Variants in TTC17 observed in about 807,000 individuals in gnomAD.
TTC17 encodes the protein tetratricopeptide repeat domain 17, also known as tetratricopeptide repeat protein 17.
Under a neutral mutation model 143.8 loss-of-function variants are expected in TTC17, and 58 were observed. The observed-to-expected ratio is 0.40, with a 90% CI of 0.33 to 0.50. The LOEUF (loss-of-function observed/expected upper bound fraction) is 0.50, where lower values mean the gene tolerates loss of function less well. Among genes scored for constraint, TTC17 ranks in the 20% least tolerant of loss-of-function variants. The pLI, the probability that TTC17 is intolerant of heterozygous loss-of-function variation, is 0.49. For synonymous variants in TTC17, 501 were observed against 497.8 expected, an observed-to-expected ratio of 1.01 and a Z score of -0.09; for missense variants, 1,273 against 1,392.5, an observed-to-expected ratio of 0.91 and a Z score of 1.37.
chr11:43,483,354 C>T (rs970709388), intron 21 of TTC17, among the ~76,000 whole-genome samples: 1 of 151,824 alleles, frequency 6.6e-6, no homozygotes, highest in Admixed American at 6.6e-5. Flanking sequence ...AACTTTAAAA[C>T]AAAACCAGAC....
chr11:43,415,529 G>A (rs968846345), intron 16 of TTC17, among the ~76,000 whole-genome samples: 23 of 152,038 alleles, frequency 1.5e-4, no homozygotes, highest in African/African-American at 5.6e-4. Flanking sequence ...GTGCACAGTG[G>A]GTGCTTTATT....
In TTC17 at chr11:43,411,697, T is replaced by C. The variant is rs570685957; in HGVS notation, c.2065-2893T>C. 1.7e-3 allele frequency among the ~76,000 whole-genome samples: 266 copies of C among 152,338 alleles called. 1 individual carries two copies. Among genetic ancestry groups the C allele is most frequent in the African/African-American group, 6.3e-3 (260 of 41,574 alleles). Reference sequence around the variant, plus strand: ...ATGCAGGATATTTTTACAGCTGTCATTTTGTCATAGGGATAATTATAACAC... The same window carrying C: ...ATGCAGGATATTTTTACAGCTGTCACTTTGTCATAGGGATAATTATAACAC... On this transcript the variant is annotated intron_variant, in intron 15 of 23. Coordinates refer to ENST00000039989, the MANE Select transcript of TTC17 (RefSeq NM_018259.6).
chr11:43,446,072 A>T, intron 18 of TTC17: 1 of 1,509,518 alleles, frequency 6.6e-7, no homozygotes. Flanking sequence ...TGCCTACAGG[A>T]TAAAATTCAA....
Position 43,404,002 on chromosome 11 carries a change from G to A in TTC17, c.1337G>A (p.Gly446Asp). ...IFENVDYVQF[G>D]EDSSTSSMMS... ...ACTTTTTGTTTCATTTTCTAGTTTGGTGAGGATTCATCAACCTCCAGTATG... is the reference window on the plus strand; with the variant it reads ...ACTTTTTGTTTCATTTTCTAGTTTGATGAGGATTCATCAACCTCCAGTATG... The change falls in exon 11 of 24, where the codon GGT (glycine) becomes GAT (aspartate). Residue 446 changes from glycine (G) to aspartate (D), a missense_variant. By Grantham distance (94) the Gly-to-Asp change is moderately conservative. Around this residue, in one of 3 missense-constraint regions of TTC17, gnomAD observed 878 missense variants for 899.8 expected, o/e 0.98. Coordinates refer to ENST00000039989, the MANE Select transcript of TTC17 (RefSeq NM_018259.6). 1 of 1,598,332 alleles carries A rather than the reference G, an allele frequency of 6.3e-7. No homozygotes were observed. Among genetic ancestry groups the A allele is most frequent in the Non-Finnish European group, 8.5e-7 (1 of 1,173,426 alleles).
At chr11:43,430,940 A>T in intron 16 of TTC17, among the ~76,000 whole-genome samples, 1 of 151,810 alleles carries the variant, frequency 6.6e-6, no homozygotes, top group Non-Finnish European at 1.5e-5. Context: ...TCCCCTAGCC[A>T]CCACCCCCTG....
chr11:43,462,808 A>G (rs1385598353), intron 21 of TTC17, among the ~76,000 whole-genome samples: 2 of 152,202 alleles, frequency 1.3e-5, no homozygotes, highest in Non-Finnish European at 2.9e-5. Flanking sequence ...AGTAGATTTG[A>G]ATAAAATTAT....
intron 2 of TTC17, among the ~76,000 whole-genome samples, chr11:43,379,734 T>A (rs746421258): frequency 1.3e-5 from 2 of 152,176 alleles, no homozygotes; most frequent in Admixed American, 6.5e-5. Context: ...TCTCAGGTAG[T>A]AAAAACTAAT....
intron 1 of TTC17, among the ~76,000 whole-genome samples, chr11:43,369,221 A>C (rs2134447374): frequency 6.6e-6 from 1 of 152,320 alleles, no homozygotes. Context: ...ATAGGAAGTT[A>C]CTCATTTGTG....
At chr11:43,448,491 ATAG>A (rs1299920282) in intron 19 of TTC17, 1 of 167,984 alleles carries the variant, frequency 6.0e-6, no homozygotes, top group Non-Finnish European at 1.3e-5. Flanking sequence ...CTACCAAGAC[ATAG>A]TAGATGCCTC....
chr11:43,397,553 T>C (rs973018913), intron 7 of TTC17, 62 bp downstream of exon 7: 91 of 1,392,830 alleles, frequency 6.5e-5, no homozygotes, highest in Non-Finnish European at 8.1e-5. Flanking sequence ...TTTTTTTTTT[T>C]CTCCCCCCTC....
rs1464687301 is a variant in TTC17 at position 43,388,219 on chromosome 11, A to G, written c.250-1433A>G. 2.0e-5 allele frequency among the ~76,000 whole-genome samples: 3 copies of G among 152,234 alleles called. No individual in the cohort carries two copies. In the South Asian group the frequency reaches 6.2e-4, roughly 32 times the overall value. ...AAAATGGATAAATACATATTTATACATCCATTTAAATGAAAAATTTAGAGC... is the reference window on the plus strand; with the variant it reads ...AAAATGGATAAATACATATTTATACGTCCATTTAAATGAAAAATTTAGAGC... On this transcript the variant is annotated intron_variant, in intron 2 of 23. Transcript: ENST00000039989.
chr11:43,391,845 T>G lies in TTC17; in HGVS notation c.556T>G (p.Ser186Ala). 6.2e-7 allele frequency: 1 copy of G among 1,613,782 alleles called. No individual in the cohort carries two copies. The highest frequency in any genetic ancestry group is 1.3e-5 in the African/African-American group (1 of 75,036). Residue 186 changes from serine (S) to alanine (A), a missense_variant, in exon 5 of 24, where the codon TCT becomes GCT. Around this residue, in one of 3 missense-constraint regions of TTC17, gnomAD observed 325 missense variants for 444.2 expected, o/e 0.73. Coordinates refer to ENST00000039989, the MANE Select transcript of TTC17 (RefSeq NM_018259.6). ...LRGVQERVNL[S>A]APLLPKEDPI... ...GGGTGTACAGGAGAGAGTTAATCTT[T>G]CTGCACCTCTGCTACCTAAAGAAGA...
At chr11:43,466,404 A>T (rs1947974197) in intron 21 of TTC17, 1 of 159,436 alleles carries the variant, frequency 6.3e-6, no homozygotes, top group Non-Finnish European at 1.4e-5. Flanking sequence ...GGTCATCCCG[A>T]CTGTGCCCTT....
At chr11:43,486,373 A>T (rs1442602907) in intron 21 of TTC17, 3 of 444,260 alleles carry the variant, frequency 6.8e-6, no homozygotes, top group East Asian at 1.4e-4. Flanking sequence ...TCAGATTGAA[A>T]AAAAATAGTA....
intron 22 of TTC17, 45 bp downstream of exon 22, chr11:43,490,403 T>TC (rs781339193): frequency 1.6e-5 from 25 of 1,556,888 alleles, no homozygotes; most frequent in Non-Finnish European, 2.2e-5. Context: ...CTTTGTCCTT[T>TC]CCATTCCCCA....
At chr11:43,394,121 G>A (rs1857491229) in intron 5 of TTC17, among the ~76,000 whole-genome samples, 1 of 152,180 alleles carries the variant, frequency 6.6e-6, no homozygotes, top group Non-Finnish European at 1.5e-5. Context: ...TTGAACATAT[G>A]AACTTTGAGG....
intron 15 of TTC17, among the ~76,000 whole-genome samples, chr11:43,412,770 C>G (rs188408225): frequency 5.3e-4 from 80 of 152,100 alleles, no homozygotes; most frequent in African/African-American, 1.9e-3. Flanking sequence ...ATTTCTGGTT[C>G]TAGGCATTTT....
intron 16 of TTC17, among the ~76,000 whole-genome samples, chr11:43,423,888 TGAG>T (rs1187182031): frequency 3.9e-5 from 6 of 152,278 alleles, no homozygotes; most frequent in African/African-American, 1.2e-4. Context: ...TTCTATAAAA[TGAG>T]GAAATAGCTA....
intron 18 of TTC17, 158 bp downstream of exon 18, chr11:43,444,367 A>G (rs1746813487): frequency 1.6e-6 from 1 of 619,808 alleles, no homozygotes; most frequent in Non-Finnish European, 2.5e-6. Context: ...AATGAAAAAA[A>G]TGTTCAAACT....
Sources: allele counts gnomAD v4.1 joint callset (sites outside exome capture counted in the v4.1 genomes callset), GRCh38; gene constraint gnomAD v4.1.1; regional missense constraint gnomAD v4.1.1; transcripts MANE v1.5; gene names NCBI Gene and HGNC (gene_info 2026-07-23, HGNC 2026-07-21).